Variants in B3GALT1 observed in about 807,000 individuals in gnomAD.
The protein encoded by B3GALT1 is beta-1,3-galactosyltransferase 1, also known as UDP-Gal:betaGlcNAc beta 1,3-galactosyltransferase, polypeptide 1.
B3GALT1 carries 10 observed loss-of-function variants against 23.2 expected under a neutral mutation model. The observed-to-expected ratio is 0.43, with a 90% CI of 0.27 to 0.73. The LOEUF is 0.73. Ranked by LOEUF, B3GALT1 falls within the 30% of genes least tolerant of loss-of-function variation. B3GALT1 has a pLI of 0.21. For missense variants in B3GALT1, 299 were observed against 405.4 expected, an observed-to-expected ratio of 0.74 and a Z score of 2.25; for synonymous variants, 156 against 141.5, an observed-to-expected ratio of 1.10 and a Z score of -0.73.
intron 3 of B3GALT1, among the ~76,000 whole-genome samples, chr2:167,813,260 T>C (rs572193442): frequency 3.3e-5 from 5 of 152,326 alleles, no homozygotes; most frequent in African/African-American, 1.2e-4. Context: ...GATATTGAAA[T>C]AGACTCTGTG....
intron 2 of B3GALT1, among the ~76,000 whole-genome samples, chr2:167,583,919 C>T (rs1684535447): frequency 6.6e-6 from 1 of 151,096 alleles, no homozygotes; most frequent in African/African-American, 2.4e-5. Flanking sequence ...CTAACCATGC[C>T]TCTAAAAACA....
At chr2:167,551,763 G>A (rs1574132449) in intron 2 of B3GALT1, among the ~76,000 whole-genome samples, 1 of 152,132 alleles carries the variant, frequency 6.6e-6, no homozygotes, top group East Asian at 1.9e-4. Flanking sequence ...GGCACCATAT[G>A]GGGTAGCAGC....
intron 3 of B3GALT1, among the ~76,000 whole-genome samples, chr2:167,657,952 G>T (rs1018906875): frequency 5.3e-5 from 8 of 151,938 alleles, no homozygotes; most frequent in Non-Finnish European, 1.0e-4. Context: ...TAAGACCCAG[G>T]GAATATTTGA....
At chr2:167,579,926 G>T (rs1187194222) in intron 2 of B3GALT1, among the ~76,000 whole-genome samples, 1 of 151,916 alleles carries the variant, frequency 6.6e-6, no homozygotes, top group Non-Finnish European at 1.5e-5. Flanking sequence ...CTTTACATAG[G>T]TGATTGATAG....
At chr2:167,353,669 G>C (rs916412660) in intron 1 of B3GALT1, among the ~76,000 whole-genome samples, 2 of 152,036 alleles carry the variant, frequency 1.3e-5, no homozygotes, top group African/African-American at 4.8e-5. Context: ...TAGTATGTTA[G>C]ACAAATAACA....
At chr2:167,729,938 A>C (rs1461240313) in intron 3 of B3GALT1, among the ~76,000 whole-genome samples, 1 of 152,036 alleles carries the variant, frequency 6.6e-6, no homozygotes, top group Non-Finnish European at 1.5e-5. Context: ...TTTCTCCTTC[A>C]TAGGGGGAAT....
chr2:167,649,018 A>G (rs1248260295), intron 3 of B3GALT1, among the ~76,000 whole-genome samples: 1 of 152,118 alleles, frequency 6.6e-6, no homozygotes, highest in Non-Finnish European at 1.5e-5. Context: ...TGCTCAAACT[A>G]TATAGTGTCA....
intron 3 of B3GALT1, among the ~76,000 whole-genome samples, chr2:167,717,816 A>G (rs565454338): frequency 4.6e-5 from 7 of 152,322 alleles, no homozygotes; most frequent in East Asian, 1.9e-4. Flanking sequence ...TTTTCCAGCC[A>G]TACATGAAGT....
In B3GALT1 at chr2:167,682,806, G is replaced by A. The variant is rs139322312; in HGVS notation, c.-352+35840G>A. Reference sequence around the variant, plus strand: ...CCCTAGAACCCGGTAGAGCCCTTAGGGAATGGATGGCTCTTCATAATTACT... The same window carrying A: ...CCCTAGAACCCGGTAGAGCCCTTAGAGAATGGATGGCTCTTCATAATTACT... On this transcript the variant is annotated intron_variant, in intron 3 of 4. Coordinates refer to ENST00000392690, the MANE Select transcript of B3GALT1 (RefSeq NM_020981.4). 3.8e-4 allele frequency among the ~76,000 whole-genome samples: 58 copies of A among 152,286 alleles called. 1 individual carries two copies. In the East Asian group the frequency reaches 8.9e-3, roughly 23 times the overall value.
chr2:167,860,813 A>C (rs940886184), intron 4 of B3GALT1, among the ~76,000 whole-genome samples: 10 of 152,160 alleles, frequency 6.6e-5, no homozygotes, highest in African/African-American at 2.4e-4. Flanking sequence ...GAATTGCCTT[A>C]AACTATGATA....
intron 2 of B3GALT1, among the ~76,000 whole-genome samples, chr2:167,643,213 A>G (rs1294901010): frequency 1.3e-5 from 2 of 152,216 alleles, no homozygotes; most frequent in Admixed American, 1.3e-4. Flanking sequence ...GAGTTTACCT[A>G]CATTAAGAAT....
chr2:167,562,448 T>C (rs1483277552), intron 2 of B3GALT1, among the ~76,000 whole-genome samples: 2 of 152,096 alleles, frequency 1.3e-5, no homozygotes, highest in Non-Finnish European at 2.9e-5. Context: ...TGTTGGAAGT[T>C]CTGGCCAGGG....
In B3GALT1 at chr2:167,326,812, C is replaced by T. The variant is rs570100930; in HGVS notation, c.-511+33478C>T. On this transcript the variant is annotated intron_variant, in intron 1 of 4. Transcript: ENST00000392690. The stretch of plus-strand genomic sequence containing the variant: ...TCAAGCAATTCTCATGCCTCAGCCT[C>T]CTGAGTAGCTGGGATTACAGACATT... Among the ~76,000 whole-genome samples the T allele has an allele frequency of 3.3e-5, 5 of 152,174 alleles. No individual in the cohort carries two copies. The South Asian group carries it at 1.0e-3, about 32-fold the overall frequency.
At chr2:167,704,983 C>T (rs946425474) in intron 3 of B3GALT1, among the ~76,000 whole-genome samples, 1 of 152,128 alleles carries the variant, frequency 6.6e-6, no homozygotes, top group African/African-American at 2.4e-5. Flanking sequence ...TTGAGTTACT[C>T]GCCATAAATC....
At chr2:167,725,305 G>A (rs1687294851) in intron 3 of B3GALT1, among the ~76,000 whole-genome samples, 1 of 152,094 alleles carries the variant, frequency 6.6e-6, no homozygotes, top group Non-Finnish European at 1.5e-5. Flanking sequence ...CCAGTTCTAA[G>A]ACACCATGGT....
chr2:167,442,926 TG>T (rs1698918647), intron 1 of B3GALT1, among the ~76,000 whole-genome samples: 1 of 145,310 alleles, frequency 6.9e-6, no homozygotes, highest in South Asian at 2.2e-4. Flanking sequence ...TTGCTTTTGG[TG>T]TTTTAGACAT....
chr2:167,599,017 AG>A (rs1684829681), intron 2 of B3GALT1, among the ~76,000 whole-genome samples: 1 of 152,194 alleles, frequency 6.6e-6, no homozygotes, highest in Admixed American at 6.5e-5. Context: ...TTAGATATAG[AG>A]AGATCATCTG....
intron 3 of B3GALT1, among the ~76,000 whole-genome samples, chr2:167,734,611 T>C (rs1357264601): frequency 6.6e-6 from 1 of 152,084 alleles, no homozygotes; most frequent in Non-Finnish European, 1.5e-5. Flanking sequence ...CCAACAGCCT[T>C]GGCAGTCACT....
chr2:167,421,482 A>G (rs985554974), intron 1 of B3GALT1, among the ~76,000 whole-genome samples: 5 of 152,122 alleles, frequency 3.3e-5, no homozygotes, highest in African/African-American at 1.2e-4. Flanking sequence ...TAATGTAGTT[A>G]CTCTTTATAG....
Sources: allele counts gnomAD v4.1 joint callset (sites outside exome capture counted in the v4.1 genomes callset), GRCh38; gene constraint gnomAD v4.1.1; transcripts MANE v1.5; gene names NCBI Gene and HGNC (gene_info 2026-07-23, HGNC 2026-07-21).